Variants in SYNDIG1 observed in about 807,000 individuals in gnomAD.
SYNDIG1 encodes synapse differentiation-inducing gene protein 1.
Under a neutral mutation model 19.4 loss-of-function variants are expected in SYNDIG1, and 9 were observed. That is an observed-to-expected ratio of 0.46 (90% CI 0.28 to 0.81). The LOEUF is 0.81. Among genes scored for constraint, SYNDIG1 ranks in the 30% least tolerant of loss-of-function variants. SYNDIG1 has a pLI of 0.12. For synonymous variants in SYNDIG1, 141 were observed against 145.9 expected, an observed-to-expected ratio of 0.97 and a Z score of 0.24; for missense variants, 311 against 343.3, an observed-to-expected ratio of 0.91 and a Z score of 0.74.
chr20:24,483,577 C>T (rs999841744), intron 1 of SYNDIG1, among the ~76,000 whole-genome samples: 2 of 152,242 alleles, frequency 1.3e-5, no homozygotes, highest in Admixed American at 6.5e-5. Context: ...AAAGAGCGTG[C>T]TCTGCATTCC....
At chr20:24,640,473 A>AGAAGGAAGGAAGGAAGGAAGGAAGGAAG (rs201004570) in intron 3 of SYNDIG1, among the ~76,000 whole-genome samples, 4 of 100,498 alleles carry the variant, frequency 4.0e-5, no homozygotes, top group Non-Finnish European at 5.7e-5. Context: ...AGGGAGGGAA[A>AGAAGGAAGGAAGGAAGGAAGGAAGGAAG]GAAGGAAGGA....
At chr20:24,638,519 G>T (rs371573605) in intron 3 of SYNDIG1, among the ~76,000 whole-genome samples, 10 of 151,864 alleles carry the variant, frequency 6.6e-5, no homozygotes, top group African/African-American at 2.2e-4. Flanking sequence ...CACCATGCCC[G>T]GTGAATTTTT....
At chr20:24,542,884 C>T in intron 1 of SYNDIG1, 136 bp from the exon 2 acceptor site, 3 of 684,024 alleles carry the variant, frequency 4.4e-6, no homozygotes, top group Non-Finnish European at 7.1e-6. Flanking sequence ...ATAGGTAGGA[C>T]TGCATTTTAT....
intron 2 of SYNDIG1, among the ~76,000 whole-genome samples, chr20:24,550,380 A>G (rs1346715627): frequency 6.6e-6 from 1 of 151,956 alleles, no homozygotes; most frequent in Non-Finnish European, 1.5e-5. Flanking sequence ...TGGTAGTTCT[A>G]TTTGTGGTTT....
chr20:24,520,270 T>C (rs993650743), intron 1 of SYNDIG1, among the ~76,000 whole-genome samples: 2 of 150,896 alleles, frequency 1.3e-5, no homozygotes, highest in Non-Finnish European at 3.0e-5. Context: ...TAATAGTATA[T>C]GTATATTATA....
chr20:24,619,204 A>G (rs1568690141), intron 3 of SYNDIG1, among the ~76,000 whole-genome samples: 1 of 152,232 alleles, frequency 6.6e-6, no homozygotes, highest in Non-Finnish European at 1.5e-5. Flanking sequence ...TGGAACCCTC[A>G]GCCCTCAGCC....
Position 24,628,477 on chromosome 20 carries a change from G to C in SYNDIG1, c.619-36869G>C, listed in dbSNP as rs73345383. The stretch of plus-strand genomic sequence containing the variant: ...GGCTTTATAGCAGAGAAAATGAAAA[G>C]ATTTCCAAGTGAAGAAGGTCACTAT... On this transcript the variant is annotated intron_variant, in intron 3 of 3. Coordinates refer to ENST00000376862, the MANE Select transcript of SYNDIG1 (RefSeq NM_024893.3). Among the ~76,000 whole-genome samples, 1,412 of 152,336 alleles carry C rather than the reference G, an allele frequency of 9.3e-3. 28 individuals carry two copies. The highest frequency in any genetic ancestry group is 0.032 in the African/African-American group (1,331 of 41,578).
intron 2 of SYNDIG1, among the ~76,000 whole-genome samples, chr20:24,580,464 G>A (rs2058303641): frequency 6.6e-6 from 1 of 152,178 alleles, no homozygotes; most frequent in South Asian, 2.1e-4. Context: ...CGGCTGGAGT[G>A]CAATGATGCA....
chr20:24,646,487 G>T (rs1350074375), intron 3 of SYNDIG1, among the ~76,000 whole-genome samples: 1 of 152,154 alleles, frequency 6.6e-6, no homozygotes, highest in Non-Finnish European at 1.5e-5. Context: ...ACAGCTGCCT[G>T]TTAGAAAGAG....
chr20:24,637,623 C>G (rs2059328739), intron 3 of SYNDIG1, among the ~76,000 whole-genome samples: 1 of 152,110 alleles, frequency 6.6e-6, no homozygotes, highest in South Asian at 2.1e-4. Flanking sequence ...TCACTAAAGT[C>G]CTAAATTTCA....
intron 3 of SYNDIG1, among the ~76,000 whole-genome samples, chr20:24,664,238 A>G (rs2059628660): frequency 6.6e-6 from 1 of 152,084 alleles, no homozygotes. Flanking sequence ...GCCATCTCTG[A>G]GTGTGAGCCT....
chr20:24,581,696 T>C (rs775940152), intron 2 of SYNDIG1, among the ~76,000 whole-genome samples: 61 of 152,170 alleles, frequency 4.0e-4, no homozygotes, highest in Middle Eastern at 6.8e-3. Flanking sequence ...CCTTCCACAC[T>C]GCACAGCCTC....
At chr20:24,633,747 G>A (rs1194572395) in intron 3 of SYNDIG1, among the ~76,000 whole-genome samples, 1 of 152,160 alleles carries the variant, frequency 6.6e-6, no homozygotes, top group African/African-American at 2.4e-5. Flanking sequence ...AATGCCCTCT[G>A]AGGTTGCTGT....
chr20:24,638,078 A>C (rs1208464062), intron 3 of SYNDIG1, among the ~76,000 whole-genome samples: 4 of 152,198 alleles, frequency 2.6e-5, no homozygotes. Context: ...ACGCAGTCCT[A>C]AAAAGTGGAG....
intron 1 of SYNDIG1, among the ~76,000 whole-genome samples, chr20:24,492,158 C>T (rs916547064): frequency 3.9e-5 from 5 of 129,320 alleles, no homozygotes; most frequent in African/African-American, 1.3e-4. Flanking sequence ...ACCGCAGGGA[C>T]GCTGGGGAGA....
intron 1 of SYNDIG1, chr20:24,491,405 T>C (rs2056144303): frequency 6.6e-6 from 1 of 152,266 alleles, no homozygotes; most frequent in Non-Finnish European, 1.5e-5. Context: ...GGTTGACAGG[T>C]GCAGAAGATG....
intron 2 of SYNDIG1, among the ~76,000 whole-genome samples, chr20:24,545,800 C>A (rs543788435): frequency 7.2e-5 from 11 of 152,270 alleles, no homozygotes; most frequent in Non-Finnish European, 1.6e-4. Context: ...AGAAACAATT[C>A]TTTTAATAAT....
chr20:24,485,893 G>C (rs2055942793), intron 1 of SYNDIG1, among the ~76,000 whole-genome samples: 1 of 152,190 alleles, frequency 6.6e-6, no homozygotes, highest in South Asian at 2.1e-4. Context: ...TGAGGTCAAG[G>C]CAAGAAGTGA....
chr20:24,659,106 C>T (rs902638176), intron 3 of SYNDIG1, among the ~76,000 whole-genome samples: 5 of 152,156 alleles, frequency 3.3e-5, no homozygotes, highest in African/African-American at 9.7e-5. Flanking sequence ...TGGCATACTG[C>T]CCGAACTGGA....
Sources: gnomAD v4.1 joint callset for allele counts (sites outside exome capture counted in the v4.1 genomes callset) on GRCh38, gnomAD v4.1.1 for gene constraint, MANE v1.5 for transcripts, NCBI Gene and HGNC (gene_info 2026-07-23, HGNC 2026-07-21) for gene names.